Variants in CTXND1 observed in about 807,000 individuals in gnomAD.
CTXND1 encodes cortexin domain containing 1.
chr15:80,216,693 C>A (rs1357094762), intron 1 of CTXND1, among the ~76,000 whole-genome samples: 1 of 152,124 alleles, frequency 6.6e-6, no homozygotes, highest in African/African-American at 2.4e-5. Context: ...TGGCTCATGG[C>A]AAACTCTGCC....
chr15:80,246,960 G>T (rs936742877), intron 1 of CTXND1, among the ~76,000 whole-genome samples: 22 of 152,170 alleles, frequency 1.4e-4, no homozygotes, highest in African/African-American at 5.1e-4. Flanking sequence ...CCTGCTGTGT[G>T]ACAAGCACGG....
At chr15:80,247,256 C>T (rs990225) in intron 1 of CTXND1, among the ~76,000 whole-genome samples, 108,942 of 151,984 alleles carry the variant, frequency 0.72, 39,268 homozygotes, top group East Asian at 0.79. Context: ...TCCCCATCCT[C>T]CCACCACCTT....
intron 1 of CTXND1, among the ~76,000 whole-genome samples, chr15:80,219,902 G>A (rs912809617): frequency 1.1e-4 from 16 of 151,632 alleles, no homozygotes; most frequent in Non-Finnish European, 2.2e-4. Flanking sequence ...TCATTTCTTC[G>A]CTGGTCTTGT....
At chr15:80,251,074 T>A (rs891828618) in intron 1 of CTXND1, among the ~76,000 whole-genome samples, 46 of 152,230 alleles carry the variant, frequency 3.0e-4, no homozygotes, top group African/African-American at 1.0e-3. Flanking sequence ...CACGAGTGGG[T>A]TAGAATGGAA....
intron 1 of CTXND1, among the ~76,000 whole-genome samples, chr15:80,234,493 T>C (rs1417290802): frequency 1.5e-5 from 2 of 136,382 alleles, no homozygotes; most frequent in Admixed American, 7.3e-5. Context: ...TTTTTTTTTT[T>C]CTGAGAGGAA....
intron 1 of CTXND1, among the ~76,000 whole-genome samples, chr15:80,210,637 C>T (rs980328429): frequency 6.6e-6 from 1 of 152,236 alleles, no homozygotes; most frequent in Non-Finnish European, 1.5e-5. Flanking sequence ...TTAAGGCCAT[C>T]CCTTGCCTGA....
At chr15:80,251,531 G>T (rs1437224) in intron 1 of CTXND1, among the ~76,000 whole-genome samples, 107,926 of 152,124 alleles carry the variant, frequency 0.71, 39,135 homozygotes, top group African/African-American at 0.86. Context: ...GGCACTGAAC[G>T]TGACGAGAAG....
rs1893460826 is a variant in CTXND1 at position 80,233,862 on chromosome 15, A to G, written c.-218+18145T>C. ...CTCTGCATGCGTGAAGACATTTAAC[A>G]GGACAGATGACACGTTGTGGGTGCC... is the stretch of plus-strand genomic sequence containing the variant. On this transcript the variant is annotated intron_variant, in intron 1 of 2. Transcript: ENST00000560778. Among the ~76,000 whole-genome samples the G allele has an allele frequency of 2.0e-5, 3 of 152,238 alleles. No homozygotes were observed. The South Asian group carries it at 6.2e-4, about 32-fold the overall frequency.
chr15:80,225,069 A>G (rs1297007771), intron 1 of CTXND1, among the ~76,000 whole-genome samples: 4 of 152,210 alleles, frequency 2.6e-5, no homozygotes, highest in Non-Finnish European at 2.9e-5. Flanking sequence ...ATGCCTCACA[A>G]TGCCTTTCTT....
chr15:80,232,618 C>A (rs989349487), intron 1 of CTXND1, among the ~76,000 whole-genome samples: 1 of 152,166 alleles, frequency 6.6e-6, no homozygotes, highest in African/African-American at 2.4e-5. Flanking sequence ...AAAGCCCCAA[C>A]AAGAGCCTCA....
At chr15:80,220,658 C>T (rs1893304943) in intron 1 of CTXND1, among the ~76,000 whole-genome samples, 1 of 152,094 alleles carries the variant, frequency 6.6e-6, no homozygotes, top group African/African-American at 2.4e-5. Flanking sequence ...GATATTGAGT[C>T]TTCCCATTTG....
At chr15:80,216,021 A>G (rs1893248963) in intron 1 of CTXND1, among the ~76,000 whole-genome samples, 1 of 152,162 alleles carries the variant, frequency 6.6e-6, no homozygotes, top group Non-Finnish European at 1.5e-5. Context: ...TCCCAGAAAG[A>G]TATGTTAGCT....
At chr15:80,235,255 A>G (rs1893481628) in intron 1 of CTXND1, among the ~76,000 whole-genome samples, 1 of 152,112 alleles carries the variant, frequency 6.6e-6, no homozygotes, top group Non-Finnish European at 1.5e-5. Flanking sequence ...GGCTGGCAGG[A>G]CCTAATAGAT....
intron 1 of CTXND1, among the ~76,000 whole-genome samples, chr15:80,233,857 T>G (rs1192086535): frequency 6.6e-6 from 1 of 152,174 alleles, no homozygotes; most frequent in Non-Finnish European, 1.5e-5. Flanking sequence ...GTGAAGACAT[T>G]TAACAGGACA....
At chr15:80,226,656 G>A (rs1489103897) in intron 1 of CTXND1, among the ~76,000 whole-genome samples, 1 of 152,170 alleles carries the variant, frequency 6.6e-6, no homozygotes, top group East Asian at 1.9e-4. Context: ...CTGACACTCT[G>A]ACCCTGGCGG....
At chr15:80,213,916 G>C (rs1478845887) in intron 1 of CTXND1, among the ~76,000 whole-genome samples, 1 of 152,060 alleles carries the variant, frequency 6.6e-6, no homozygotes, top group East Asian at 1.9e-4. Context: ...AAAATTGCTT[G>C]AAGAGTTACC....
intron 1 of CTXND1, among the ~76,000 whole-genome samples, chr15:80,241,245 G>C (rs538636965): frequency 5.1e-4 from 78 of 152,286 alleles, no homozygotes; most frequent in African/African-American, 1.7e-3. Flanking sequence ...TCAGGATTCA[G>C]GAGCTCAGGG....
chr15:80,225,996 A>G (rs1399283547), intron 1 of CTXND1, among the ~76,000 whole-genome samples: 1 of 152,226 alleles, frequency 6.6e-6, no homozygotes, highest in African/African-American at 2.4e-5. Context: ...GTCCATGGGC[A>G]GGGTTTATCC....
At chr15:80,251,374 C>T (rs1287849597) in intron 1 of CTXND1, among the ~76,000 whole-genome samples, 1 of 152,130 alleles carries the variant, frequency 6.6e-6, no homozygotes, top group Non-Finnish European at 1.5e-5. Flanking sequence ...CAGATGAGAA[C>T]AAAATCCAAC....
Sources: allele counts gnomAD v4.1 joint callset (sites outside exome capture counted in the v4.1 genomes callset), GRCh38; gene constraint gnomAD v4.1.1; transcripts MANE v1.5; gene names NCBI Gene and HGNC (gene_info 2026-07-23, HGNC 2026-07-21).